The following COL28A1 variants were observed in gnomAD, a reference collection of about 807,000 sequenced individuals.
COL28A1 encodes the protein collagen type XXVIII alpha 1 chain.
In COL28A1, 161 loss-of-function variants were observed where a neutral mutation model predicts 150.2. The ratio of observed to expected loss-of-function variants is 1.07; its 90% confidence interval spans 0.94 to 1.22. The LOEUF is 1.22. COL28A1 is among the 50% of genes most tolerant of loss of function. The pLI is 0.00. For missense variants in COL28A1, 1,617 were observed against 1,388.3 expected, an observed-to-expected ratio of 1.16 and a Z score of -2.62; for synonymous variants, 552 against 469.7, an observed-to-expected ratio of 1.18 and a Z score of -2.26.
intron 13 of COL28A1, among the ~76,000 whole-genome samples, chr7:7,482,556 A>AT (rs942339642): frequency 6.6e-5 from 10 of 151,286 alleles, no homozygotes; most frequent in South Asian, 2.1e-4. Context: ...CACATCATTG[A>AT]TTTTTTTATA....
intron 15 of COL28A1, among the ~76,000 whole-genome samples, chr7:7,464,322 A>G (rs1696009074): frequency 6.6e-6 from 1 of 152,228 alleles, no homozygotes; most frequent in African/African-American, 2.4e-5. Context: ...CTTAACAGAT[A>G]CTTACAGAAC....
intron 7 of COL28A1, among the ~76,000 whole-genome samples, chr7:7,516,767 A>C (rs1781436317): frequency 6.6e-6 from 1 of 152,014 alleles, no homozygotes; most frequent in Non-Finnish European, 1.5e-5. Context: ...CTATTTATTT[A>C]TTTATGTGTA....
intron 22 of COL28A1, 144 bp downstream of exon 22, chr7:7,437,250 G>T: frequency 7.5e-7 from 1 of 1,334,916 alleles, no homozygotes; most frequent in African/African-American, 1.5e-5. Flanking sequence ...GCTGTAGTTT[G>T]CTTATCTGTG....
intron 15 of COL28A1, among the ~76,000 whole-genome samples, chr7:7,471,125 T>TAAAAAAAAAAAAAAAAAAAAAAAA (rs746981344): frequency 3.3e-4 from 29 of 88,480 alleles, no homozygotes; most frequent in Non-Finnish European, 4.0e-4. Context: ...AAAAAATAAT[T>TAAAAAAAAAAAAAAAAAAAAAAAA]AAAAAAAAAA....
At chr7:7,488,386 G>C (rs1002129867) in intron 13 of COL28A1, among the ~76,000 whole-genome samples, 1 of 152,186 alleles carries the variant, frequency 6.6e-6, no homozygotes, top group African/African-American at 2.4e-5. Flanking sequence ...GGAAGTGTAT[G>C]TTTCTGTGAA....
At chr7:7,485,459 C>T (rs1328904209) in intron 13 of COL28A1, among the ~76,000 whole-genome samples, 1 of 152,082 alleles carries the variant, frequency 6.6e-6, no homozygotes, top group Non-Finnish European at 1.5e-5. Flanking sequence ...CACACATTTA[C>T]CACTTTGATG....
At chr7:7,366,811 C>G (rs1780954901) in intron 33 of COL28A1, among the ~76,000 whole-genome samples, 1 of 152,078 alleles carries the variant, frequency 6.6e-6, no homozygotes, top group Non-Finnish European at 1.5e-5. Flanking sequence ...GCAGTATTGC[C>G]TAGGGTAGGC....
intron 27 of COL28A1, among the ~76,000 whole-genome samples, chr7:7,395,108 A>G (rs552105752): frequency 8.8e-4 from 134 of 152,306 alleles, no homozygotes; most frequent in African/African-American, 3.1e-3. Flanking sequence ...CCTGGCCAAC[A>G]TGGCGAAACC....
chr7:7,364,375 G>A lies in COL28A1; in HGVS notation c.3067-3847C>T, dbSNP rs190125535. ...AAATCAGGGTAATGACTCGAGAGGA[G>A]TCTAGACCCTTACTTAGCCCAGAGA... On this transcript the variant is annotated intron_variant, in intron 33 of 34. Coordinates refer to ENST00000399429, the MANE Select transcript of COL28A1 (RefSeq NM_001037763.3). 2.1e-3 allele frequency among the ~76,000 whole-genome samples: 318 copies of A among 152,302 alleles called. 1 individual carries two copies. In the Middle Eastern group the frequency reaches 0.048, roughly 23 times the overall value.
chr7:7,343,618 G>C, the COL28A1 span, among the ~76,000 whole-genome samples: 5 of 152,096 alleles, frequency 3.3e-5, no homozygotes, highest in African/African-American at 1.2e-4. Flanking sequence ...TATAATATAT[G>C]TGAGTACGTC....
downstream of COL28A1, among the ~76,000 whole-genome samples, chr7:7,357,261 GC>G (rs1379147092): frequency 1.3e-5 from 2 of 152,140 alleles, no homozygotes; most frequent in African/African-American, 4.8e-5. Flanking sequence ...TGTTGGCCAG[GC>G]TGTTCTCAAA....
chr7:7,393,870 G>A (rs1052936534), intron 27 of COL28A1, among the ~76,000 whole-genome samples: 7 of 152,140 alleles, frequency 4.6e-5, no homozygotes, highest in East Asian at 1.9e-4. Flanking sequence ...TAGGCTCCGC[G>A]GGGGTGGGAT....
chr7:7,349,812 G>A, the COL28A1 span, among the ~76,000 whole-genome samples: 1 of 151,954 alleles, frequency 6.6e-6, no homozygotes, highest in Non-Finnish European at 1.5e-5. Flanking sequence ...GTTACTTCTT[G>A]GTAAGTAAGG....
intron 21 of COL28A1, 51 bp from the exon 22 acceptor site, chr7:7,437,513 A>G: frequency 2.5e-6 from 4 of 1,583,382 alleles, no homozygotes; most frequent in Non-Finnish European, 3.4e-6. Context: ...AAGCACATAT[A>G]GAGACAATAT....
intron 11 of COL28A1, among the ~76,000 whole-genome samples, chr7:7,494,290 C>A (rs1050980046): frequency 5.3e-5 from 8 of 152,018 alleles, no homozygotes; most frequent in Non-Finnish European, 1.5e-5. Context: ...CTCCTTTCCT[C>A]AAATGATTGT....
At chr7:7,381,853 C>T (rs1212446026) in intron 27 of COL28A1, among the ~76,000 whole-genome samples, 2 of 152,044 alleles carry the variant, frequency 1.3e-5, no homozygotes, top group Non-Finnish European at 2.9e-5. Flanking sequence ...CTGATTTATG[C>T]CATTTGCCTA....
intron 32 of COL28A1, among the ~76,000 whole-genome samples, chr7:7,371,184 C>G (rs1781206796): frequency 6.6e-6 from 1 of 152,200 alleles, no homozygotes; most frequent in Non-Finnish European, 1.5e-5. Flanking sequence ...GAATTGGCAG[C>G]TACCTCTGGT....
chr7:7,456,248 C>A, intron 15 of COL28A1, 136 bp from the exon 16 acceptor site: 1 of 1,217,040 alleles, frequency 8.2e-7, no homozygotes, highest in South Asian at 2.1e-5. Flanking sequence ...AATTATAAAA[C>A]TTTATTTTAT....
chr7:7,373,866 A>AT lies in COL28A1; in HGVS notation c.2360-321dup, dbSNP rs1293406020. Among the ~76,000 whole-genome samples the AT allele has an allele frequency of 6.6e-6, 1 of 151,042 alleles. No homozygotes were observed. The highest frequency in any genetic ancestry group is 1.5e-5 in the Non-Finnish European group (1 of 67,770). The stretch of plus-strand genomic sequence containing the variant: ...AGGCGCCCGCCACCTCGCCTGGCTA[A>AT]TTTTTTGTATTTTTAGTAGAGACAG... On this transcript the variant is annotated intron_variant, in intron 31 of 34. Coordinates refer to ENST00000399429, the MANE Select transcript of COL28A1 (RefSeq NM_001037763.3). This position sits in a 1 kb window ranked among gnomAD's most constrained non-coding sequence, Gnocchi z 4.1.
Sources: allele counts gnomAD v4.1 joint callset (sites outside exome capture counted in the v4.1 genomes callset), GRCh38; gene constraint gnomAD v4.1.1; non-coding constraint Gnocchi (gnomAD v3.1); transcripts MANE v1.5; gene names NCBI Gene and HGNC (gene_info 2026-07-23, HGNC 2026-07-21).